Variants in PFDN1 observed in about 807,000 individuals in gnomAD.
PFDN1 encodes the protein prefoldin subunit 1.
In PFDN1, 6 loss-of-function variants were observed where a neutral mutation model predicts 17.3. That is an observed-to-expected ratio of 0.35 (90% CI 0.19 to 0.69). PFDN1 has a LOEUF of 0.69. Among genes scored for constraint, PFDN1 ranks in the 30% least tolerant of loss-of-function variants. The probability of loss-of-function intolerance (pLI) is 0.65; values close to 1 mark genes in which losing one functional copy is unlikely to be tolerated. For synonymous variants in PFDN1, 58 were observed against 50.1 expected (o/e 1.16, Z -0.67); for missense variants, 113 against 146.2 (o/e 0.77, Z 1.17).
intron 2 of PFDN1, among the ~76,000 whole-genome samples, chr5:140,299,643 A>G (rs1765710590): frequency 6.6e-6 from 1 of 152,132 alleles, no homozygotes; most frequent in Non-Finnish European, 1.5e-5. Flanking sequence ...AAACACTTTA[A>G]TTAATCTACC....
At chr5:140,257,654 A>C (rs941066592) in intron 3 of PFDN1, among the ~76,000 whole-genome samples, 2 of 152,228 alleles carry the variant, frequency 1.3e-5, no homozygotes, top group African/African-American at 4.8e-5. Flanking sequence ...TCCAAAGAGT[A>C]GGGATCATGT....
At chr5:140,248,088 A>G (rs1390477399) in intron 3 of PFDN1, among the ~76,000 whole-genome samples, 1 of 104,116 alleles carries the variant, frequency 9.6e-6, no homozygotes. Flanking sequence ...TTTTTTTTTG[A>G]GACGGAATCT....
At chr5:140,250,400 A>G (rs1347395242) in intron 3 of PFDN1, among the ~76,000 whole-genome samples, 1 of 152,092 alleles carries the variant, frequency 6.6e-6, no homozygotes, top group African/African-American at 2.4e-5. Flanking sequence ...CACATTACTC[A>G]TCCCCTCACT....
At chr5:140,294,050 G>A (rs1765617868) in intron 2 of PFDN1, among the ~76,000 whole-genome samples, 2 of 152,116 alleles carry the variant, frequency 1.3e-5, no homozygotes, top group South Asian at 4.1e-4. Flanking sequence ...AATCTAAAAA[G>A]TAATCTCATC....
intron 2 of PFDN1, chr5:140,293,196 G>A (rs944309716): frequency 6.6e-6 from 1 of 151,800 alleles, no homozygotes; most frequent in African/African-American, 2.4e-5. Flanking sequence ...CAAGCAAATG[G>A]TACTTTTCAC....
chr5:140,281,398 A>C, intron 3 of PFDN1, 51 bp downstream of exon 3: 1 of 779,722 alleles, frequency 1.3e-6, no homozygotes, highest in South Asian at 1.4e-5. Context: ...TGACACAATA[A>C]GATTACTACT....
intron 3 of PFDN1, among the ~76,000 whole-genome samples, chr5:140,251,793 T>A (rs1719625865): frequency 6.6e-6 from 1 of 152,136 alleles, no homozygotes; most frequent in South Asian, 2.1e-4. Flanking sequence ...GGTTCTTTTT[T>A]CCAGGAGTCA....
chr5:140,260,958 T>C (rs544036126), intron 3 of PFDN1, among the ~76,000 whole-genome samples: 2 of 151,944 alleles, frequency 1.3e-5, no homozygotes, highest in Non-Finnish European at 1.5e-5. Flanking sequence ...GGTCAGGAGC[T>C]GGAGACCAGC....
At chr5:140,292,633 A>G (rs1420783463) in intron 2 of PFDN1, among the ~76,000 whole-genome samples, 1 of 152,152 alleles carries the variant, frequency 6.6e-6, no homozygotes, top group East Asian at 1.9e-4. Flanking sequence ...CTGCAAAACA[A>G]GAGTTGGTAA....
intron 2 of PFDN1, among the ~76,000 whole-genome samples, chr5:140,292,421 T>C (rs554441792): frequency 2.0e-4 from 31 of 152,214 alleles, no homozygotes; most frequent in Non-Finnish European, 3.7e-4. Flanking sequence ...AGGATGCATA[T>C]TGTGATCCAA....
chr5:140,298,042 GAC>G (rs1252574481), intron 2 of PFDN1, among the ~76,000 whole-genome samples: 2 of 152,238 alleles, frequency 1.3e-5, no homozygotes, highest in East Asian at 3.9e-4. Flanking sequence ...ATACTACACA[GAC>G]ACATATTCAA....
intron 2 of PFDN1, among the ~76,000 whole-genome samples, chr5:140,291,581 A>C (rs1207893340): frequency 1.3e-5 from 2 of 152,152 alleles, no homozygotes; most frequent in Admixed American, 1.3e-4. Flanking sequence ...TCTAAGTTAA[A>C]GATAAAAAAT....
chr5:140,263,937 C>T (rs1051578548), intron 3 of PFDN1, among the ~76,000 whole-genome samples: 1 of 141,918 alleles, frequency 7.0e-6, no homozygotes. Context: ...AGGAGAATGG[C>T]GTGAACCCGG....
At chr5:140,263,146 A>C (rs1032187195) in intron 3 of PFDN1, among the ~76,000 whole-genome samples, 3 of 152,220 alleles carry the variant, frequency 2.0e-5, no homozygotes. Context: ...TCCAGGGAAG[A>C]CTGGTGGCTT....
chr5:140,263,223 T>C (rs1765087818), intron 3 of PFDN1, among the ~76,000 whole-genome samples: 3 of 152,230 alleles, frequency 2.0e-5, no homozygotes, highest in African/African-American at 4.8e-5. Flanking sequence ...AGCTGCTTGC[T>C]TGCAGAAGGC....
intron 3 of PFDN1, among the ~76,000 whole-genome samples, chr5:140,278,879 G>A (rs531002539): frequency 6.6e-6 from 1 of 152,254 alleles, no homozygotes; most frequent in East Asian, 1.9e-4. Flanking sequence ...TTGTAGCAGT[G>A]GAAAAGTATA....
intron 2 of PFDN1, among the ~76,000 whole-genome samples, chr5:140,286,985 T>C (rs918910297): frequency 5.3e-5 from 8 of 152,148 alleles, no homozygotes; most frequent in East Asian, 1.9e-4. Flanking sequence ...GCCCAGCTTG[T>C]ATGTATTAGA....
At position 140,251,530 on chromosome 5, in the gene PFDN1, T is replaced by C. The variant is rs558201594; in HGVS notation, c.286-5473A>G. 3.3e-5 allele frequency among the ~76,000 whole-genome samples: 5 copies of C among 152,324 alleles called. No homozygotes were observed. In the South Asian group the frequency reaches 6.2e-4, roughly 19 times the overall value. ...GCCTCAGGGCTGCTAGGAGTGACAT[T>C]TGAAATCCACACTTACTACCAGCAG... is the stretch of plus-strand genomic sequence containing the variant. On this transcript the variant is annotated intron_variant, in intron 3 of 3. Transcript: ENST00000261813.
intron 3 of PFDN1, chr5:140,262,455 GCCA>G: frequency 6.7e-6 from 3 of 449,062 alleles, no homozygotes; most frequent in Non-Finnish European, 1.4e-5. Flanking sequence ...ATGGGCAGAA[GCCA>G]CCAAGTTCAT....
Sources: gnomAD v4.1 joint callset for allele counts (sites outside exome capture counted in the v4.1 genomes callset) on GRCh38, gnomAD v4.1.1 for gene constraint, MANE v1.5 for transcripts, NCBI Gene and HGNC (gene_info 2026-07-23, HGNC 2026-07-21) for gene names.